Variants in LRRC4C observed in about 807,000 individuals in gnomAD.
The protein encoded by LRRC4C is leucine rich repeat containing 4C.
Under a neutral mutation model 33.6 loss-of-function variants are expected in LRRC4C, and 5 were observed. That is an observed-to-expected ratio of 0.15 (90% CI 0.08 to 0.31). The LOEUF (loss-of-function observed/expected upper bound fraction) is 0.31, where lower values mean the gene tolerates loss of function less well. Ranked by LOEUF, LRRC4C falls within the 10% of genes least tolerant of loss-of-function variation. The pLI is 1.00. For synonymous variants in LRRC4C, 329 were observed against 302.0 expected, an observed-to-expected ratio of 1.09 and a Z score of -0.93; for missense variants, 560 against 796.7, an observed-to-expected ratio of 0.70 and a Z score of 3.58.
chr11:40,886,947 T>C (rs1306593872), intron 2 of LRRC4C, among the ~76,000 whole-genome samples: 1 of 145,492 alleles, frequency 6.9e-6, no homozygotes, highest in Non-Finnish European at 1.5e-5. Flanking sequence ...TACGTATATA[T>C]ACACGTGTGT....
At chr11:40,198,323 A>G (rs1862433105) in intron 5 of LRRC4C, among the ~76,000 whole-genome samples, 1 of 152,154 alleles carries the variant, frequency 6.6e-6, no homozygotes, top group Admixed American at 6.5e-5. Context: ...ATCTACAGCC[A>G]CCTATTTTCA....
At chr11:40,192,990 C>T (rs1227658779) in intron 5 of LRRC4C, among the ~76,000 whole-genome samples, 15 of 152,156 alleles carry the variant, frequency 9.9e-5, no homozygotes, top group South Asian at 4.1e-4. Flanking sequence ...CTCCCTGGGA[C>T]GGAGCACATG....
intron 3 of LRRC4C, among the ~76,000 whole-genome samples, chr11:40,462,514 A>G (rs1214588447): frequency 1.3e-5 from 2 of 152,144 alleles, no homozygotes; most frequent in East Asian, 3.8e-4. Context: ...GTCTTAACTT[A>G]GAGGCCAGGC....
At chr11:41,014,374 A>G (rs1435630955) in intron 1 of LRRC4C, among the ~76,000 whole-genome samples, 1 of 152,086 alleles carries the variant, frequency 6.6e-6, no homozygotes, top group African/African-American at 2.4e-5. Context: ...CCTCCAAAGA[A>G]TCTCCTCCTC....
chr11:40,593,406 TAA>T (rs1466203607), intron 3 of LRRC4C, among the ~76,000 whole-genome samples: 1 of 152,180 alleles, frequency 6.6e-6, no homozygotes, highest in African/African-American at 2.4e-5. Context: ...ATATATGTAT[TAA>T]GATACACAAT....
intron 1 of LRRC4C, among the ~76,000 whole-genome samples, chr11:41,286,863 T>C (rs143110862): frequency 6.6e-6 from 1 of 152,076 alleles, no homozygotes; most frequent in African/African-American, 2.4e-5. Context: ...GTAAAAAATA[T>C]GACCTTACAA....
At chr11:40,187,192 G>A (rs901643622) in intron 5 of LRRC4C, among the ~76,000 whole-genome samples, 10 of 152,324 alleles carry the variant, frequency 6.6e-5, no homozygotes, top group Middle Eastern at 3.4e-3. Context: ...TTCTCTCTTT[G>A]CTTTGATAGC....
intron 1 of LRRC4C, among the ~76,000 whole-genome samples, chr11:40,982,408 G>T (rs541905133): frequency 3.3e-5 from 5 of 152,146 alleles, no homozygotes. Flanking sequence ...CATGTAAAAT[G>T]AAAGAAGATA....
chr11:40,158,582 A>G (rs1858904721), intron 5 of LRRC4C, among the ~76,000 whole-genome samples: 1 of 151,508 alleles, frequency 6.6e-6, no homozygotes, highest in Non-Finnish European at 1.5e-5. Flanking sequence ...TACTTATCAA[A>G]AAAAAAAAAA....
At chr11:40,431,229 C>T (rs962356083) in intron 3 of LRRC4C, among the ~76,000 whole-genome samples, 2 of 150,916 alleles carry the variant, frequency 1.3e-5, no homozygotes, top group Non-Finnish European at 2.9e-5. Context: ...GAGTTCAAGA[C>T]CAGCCTGGCT....
chr11:41,272,376 G>A (rs969587458), intron 1 of LRRC4C, among the ~76,000 whole-genome samples: 7 of 152,092 alleles, frequency 4.6e-5, no homozygotes, highest in Admixed American at 2.6e-4. Flanking sequence ...GATCTCCTCT[G>A]GCTGCTACAC....
At chr11:41,038,573 C>T (rs1365301242) in intron 1 of LRRC4C, among the ~76,000 whole-genome samples, 1 of 152,152 alleles carries the variant, frequency 6.6e-6, no homozygotes, top group Non-Finnish European at 1.5e-5. Context: ...AAGATGAAGA[C>T]TGGTTTGTTC....
At chr11:41,393,423 T>C (rs1398958955) in intron 1 of LRRC4C, among the ~76,000 whole-genome samples, 1 of 151,684 alleles carries the variant, frequency 6.6e-6, no homozygotes, top group Non-Finnish European at 1.5e-5. Context: ...GTGGCTGACT[T>C]TGAAAACTGA....
At chr11:40,425,334 C>A (rs1161852873) in intron 3 of LRRC4C, among the ~76,000 whole-genome samples, 1 of 152,060 alleles carries the variant, frequency 6.6e-6, no homozygotes, top group Non-Finnish European at 1.5e-5. Flanking sequence ...TGAGGTTAGC[C>A]AGCAGGGGGA....
In LRRC4C at chr11:40,741,474, A is replaced by T. The variant is rs937672342; in HGVS notation, c.-406-93196T>A. On this transcript the variant is annotated intron_variant, in intron 2 of 6. Transcript: ENST00000528697. ...CAACTACCCCATAATGCAAGACCTT[A>T]GCATAAATCCAAATTGGATCCAAGC... Among the ~76,000 whole-genome samples, 5 of 152,056 alleles carry T rather than the reference A, an allele frequency of 3.3e-5. No homozygotes were observed. In the South Asian group the frequency reaches 1.0e-3, roughly 31 times the overall value.
At chr11:40,796,659 T>TTTTTTG (rs1950843403) in intron 2 of LRRC4C, among the ~76,000 whole-genome samples, 2 of 125,626 alleles carry the variant, frequency 1.6e-5, no homozygotes, top group African/African-American at 3.7e-5. Flanking sequence ...TTTTTTTTTT[T>TTTTTTG]ATTTTGAGAC....
chr11:41,269,611 C>T (rs1000099538), intron 1 of LRRC4C, among the ~76,000 whole-genome samples: 4 of 152,024 alleles, frequency 2.6e-5, no homozygotes, highest in Non-Finnish European at 4.4e-5. Context: ...ATGACACGGT[C>T]GATTGTCTTG....
intron 2 of LRRC4C, among the ~76,000 whole-genome samples, chr11:40,805,712 CACAG>C (rs1365163038): frequency 6.6e-6 from 1 of 152,074 alleles, no homozygotes; most frequent in East Asian, 1.9e-4. Context: ...CACAAAAAAA[CACAG>C]ATATATCTGT....
rs1338057266 is a variant in LRRC4C, at chr11:40,677,774, C to T, written c.-406-29496G>A. 2.0e-5 allele frequency among the ~76,000 whole-genome samples: 3 copies of T among 152,282 alleles called. No individual in the cohort carries two copies. In the East Asian group the frequency reaches 5.8e-4, roughly 29 times the overall value. On this transcript the variant is annotated intron_variant, in intron 2 of 6. Coordinates refer to ENST00000528697, the MANE Select transcript of LRRC4C (RefSeq NM_001258419.2). ...AATGGTTCACATGACTGAATTCTGG[C>T]CAGTGACACGTGAGCAGAGCTGTTT...
Sources: gnomAD v4.1 joint callset for allele counts (sites outside exome capture counted in the v4.1 genomes callset) on GRCh38, gnomAD v4.1.1 for gene constraint, MANE v1.5 for transcripts, NCBI Gene and HGNC (gene_info 2026-07-23, HGNC 2026-07-21) for gene names.